Variants in PRKG2 observed in about 807,000 individuals in gnomAD.
PRKG2 encodes cGMP-dependent protein kinase 2.
Under a neutral mutation model 97.2 loss-of-function variants are expected in PRKG2, and 33 were observed. The ratio of observed to expected loss-of-function variants is 0.34; its 90% CI spans 0.26 to 0.45. PRKG2 has a LOEUF of 0.45. Ranked by LOEUF, PRKG2 falls within the 20% of genes least tolerant of loss-of-function variation. The pLI, the probability that PRKG2 is intolerant of heterozygous loss-of-function variation, is 1.00. For synonymous variants in PRKG2, 330 were observed against 321.8 expected, an observed-to-expected ratio of 1.03 and a Z score of -0.27; for missense variants, 638 against 900.0, an observed-to-expected ratio of 0.71 and a Z score of 3.73.
intron 17 of PRKG2, among the ~76,000 whole-genome samples, chr4:81,099,386 T>C (rs1355728978): frequency 6.6e-6 from 1 of 152,132 alleles, no homozygotes; most frequent in Admixed American, 6.6e-5. Flanking sequence ...GCTTCATCCC[T>C]GGGATGCAAG....
At chr4:81,154,517 C>T (rs1246599159) in intron 6 of PRKG2, among the ~76,000 whole-genome samples, 3 of 116,030 alleles carry the variant, frequency 2.6e-5, no homozygotes, top group Non-Finnish European at 4.6e-5. Flanking sequence ...ACACTGACAC[C>T]TCACACGGCA....
rs186703716 is a variant in PRKG2 at position 81,177,477 on chromosome 4, G to A, written c.462-2518C>T. Among the ~76,000 whole-genome samples, 591 of 152,214 alleles carry A rather than the reference G, an allele frequency of 3.9e-3. 6 individuals carry two copies. The highest frequency in any genetic ancestry group is 0.013 in the African/African-American group (553 of 41,530). ...TCCCAGCACTTTGGGAGGCCGAGGC[G>A]GGCAGATCACGAGGTCAGGAGATCG... is the stretch of plus-strand genomic sequence containing the variant. On this transcript the variant is annotated intron_variant, in intron 2 of 18. Transcript: ENST00000264399.
intron 2 of PRKG2, 36 bp downstream of exon 2, chr4:81,204,551 G>C: frequency 1.3e-6 from 2 of 1,544,142 alleles, no homozygotes; most frequent in South Asian, 2.4e-5. Flanking sequence ...ACAATATTAA[G>C]CCCATCTGAG....
chr4:81,091,486 T>C (rs540745203), intron 18 of PRKG2, among the ~76,000 whole-genome samples: 9 of 152,150 alleles, frequency 5.9e-5, no homozygotes, highest in Admixed American at 3.9e-4. Context: ...GGTTTCACCA[T>C]GTTAGCCAGG....
intron 1 of PRKG2, among the ~76,000 whole-genome samples, chr4:81,208,836 G>C (rs1327285037): frequency 6.6e-6 from 1 of 152,150 alleles, no homozygotes; most frequent in Non-Finnish European, 1.5e-5. Flanking sequence ...CCCACCAAAA[G>C]ATGGAGACAA....
intron 14 of PRKG2, among the ~76,000 whole-genome samples, chr4:81,116,495 A>G (rs1222851905): frequency 6.6e-6 from 1 of 152,100 alleles, no homozygotes; most frequent in Non-Finnish European, 1.5e-5. Context: ...ATATGTGTGC[A>G]TGTGTCTTTA....
At chr4:81,149,978 C>G (rs1229766560) in intron 8 of PRKG2, among the ~76,000 whole-genome samples, 1 of 152,174 alleles carries the variant, frequency 6.6e-6, no homozygotes, top group Non-Finnish European at 1.5e-5. Flanking sequence ...CACTGTCCCT[C>G]CCAAGTTTAC....
intron 6 of PRKG2, among the ~76,000 whole-genome samples, chr4:81,157,300 A>G (rs1749189961): frequency 6.6e-6 from 1 of 152,140 alleles, no homozygotes; most frequent in Admixed American, 6.6e-5. Flanking sequence ...TACTACAAAC[A>G]CCTCTACGCA....
At chr4:81,158,491 A>G (rs1749310929) in intron 6 of PRKG2, among the ~76,000 whole-genome samples, 1 of 147,908 alleles carries the variant, frequency 6.8e-6, no homozygotes, top group South Asian at 2.1e-4. Flanking sequence ...ATGGGTAGGA[A>G]GAATCAATAT....
chr4:81,163,869 C>T (rs944173092), intron 6 of PRKG2, among the ~76,000 whole-genome samples: 7 of 102,984 alleles, frequency 6.8e-5, no homozygotes, highest in African/African-American at 5.5e-4. Context: ...ATAGTACACA[C>T]ACACACACAC....
intron 13 of PRKG2, among the ~76,000 whole-genome samples, chr4:81,136,222 T>C (rs1746683970): frequency 6.6e-6 from 1 of 152,224 alleles, no homozygotes; most frequent in Non-Finnish European, 1.5e-5. Context: ...ATTCATCTTC[T>C]ACTCAGATGC....
At chr4:81,104,471 A>G in intron 16 of PRKG2, 39 bp from the exon 17 acceptor site, 1 of 942,620 alleles carries the variant, frequency 1.1e-6, no homozygotes, top group East Asian at 3.7e-5. Flanking sequence ...TATAATAATT[A>G]TATTTATAAT....
intron 1 of PRKG2, among the ~76,000 whole-genome samples, chr4:81,209,432 G>T (rs1753853980): frequency 6.6e-6 from 1 of 152,098 alleles, no homozygotes; most frequent in African/African-American, 2.4e-5. Flanking sequence ...CTGTCAATAT[G>T]GGAGATGGTA....
At chr4:81,209,479 G>C (rs1002045777) in intron 1 of PRKG2, among the ~76,000 whole-genome samples, 1 of 152,054 alleles carries the variant, frequency 6.6e-6, no homozygotes, top group African/African-American at 2.4e-5. Context: ...GAGTCCCAGT[G>C]GAAGCACTTT....
rs1387669971 is a variant in PRKG2 at position 81,140,391 on chromosome 4, C to A, written c.1544+142G>T. The A allele has an allele frequency of 4.5e-6, 3 of 662,084 alleles. No homozygotes were observed. In the South Asian group the frequency reaches 1.7e-4, roughly 37 times the overall value. The allele number at this position is 662,084 out of a possible 1,614,324, so 41.0% of individuals were successfully genotyped here. A position where few individuals can be genotyped will look rare whatever the true frequency, so the allele number is the denominator to read the frequency against. The stretch of plus-strand genomic sequence containing the variant: ...GTAATTATGCATTGCATGCCTGTAT[C>A]AAAACATTTCATGTACCCCATAAAT... On this transcript the variant is annotated intron_variant, in intron 12 of 18. Coordinates refer to ENST00000264399, the MANE Select transcript of PRKG2 (RefSeq NM_006259.3).
chr4:81,112,477 T>A (rs1744088261), intron 14 of PRKG2, among the ~76,000 whole-genome samples: 1 of 152,210 alleles, frequency 6.6e-6, no homozygotes, highest in Admixed American at 6.5e-5. Context: ...TTTTGACGCA[T>A]TTCTTTATTA....
At chr4:81,165,731 A>C (rs1749925452) in intron 6 of PRKG2, among the ~76,000 whole-genome samples, 1 of 152,126 alleles carries the variant, frequency 6.6e-6, no homozygotes, top group African/African-American at 2.4e-5. Flanking sequence ...TTCAAATTTG[A>C]ATTGTGTGTT....
intron 1 of PRKG2, among the ~76,000 whole-genome samples, chr4:81,209,966 A>G (rs1195169521): frequency 6.6e-6 from 1 of 152,156 alleles, no homozygotes; most frequent in Non-Finnish European, 1.5e-5. Context: ...GAGAGCAAAG[A>G]CAAGTCAATG....
At chr4:81,151,728 T>A (rs1254100631) in intron 8 of PRKG2, among the ~76,000 whole-genome samples, 1 of 152,174 alleles carries the variant, frequency 6.6e-6, no homozygotes, top group Non-Finnish European at 1.5e-5. Flanking sequence ...AAAAGTTTAA[T>A]AGAACACCAA....
Sources: allele counts gnomAD v4.1 joint callset (sites outside exome capture counted in the v4.1 genomes callset), GRCh38; gene constraint gnomAD v4.1.1; transcripts MANE v1.5; gene names NCBI Gene and HGNC (gene_info 2026-07-23, HGNC 2026-07-21).